PAM: variants seen among roughly 807,000 people sequenced by gnomAD.
PAM encodes the protein peptidylglycine alpha-amidating monooxygenase.
In PAM, 72 loss-of-function variants were observed where a neutral mutation model predicts 122.1. The ratio of observed to expected loss-of-function variants is 0.59; its 90% confidence interval spans 0.49 to 0.72. PAM has a LOEUF of 0.72. Ranked by LOEUF, PAM falls within the 30% of genes least tolerant of loss-of-function variation. PAM has a pLI of 0.00. For synonymous variants in PAM, 389 were observed against 404.4 expected (o/e 0.96, Z 0.46); for missense variants, 1,106 against 1,183.7 (o/e 0.93, Z 0.96).
At chr5:102,838,228 T>G (rs563263479) in intron 1 of PAM, 36 of 152,276 alleles carry the variant, frequency 2.4e-4, no homozygotes, top group African/African-American at 8.2e-4. Context: ...CAGAGTCTTT[T>G]AAGTCTGCAT....
chr5:102,953,639 A>C (rs1759716556), intron 12 of PAM, among the ~76,000 whole-genome samples: 1 of 152,218 alleles, frequency 6.6e-6, no homozygotes, highest in Non-Finnish European at 1.5e-5. Context: ...GATCTATTGC[A>C]CAGAAGAATG....
At chr5:102,876,713 G>A (rs989373107) in intron 3 of PAM, among the ~76,000 whole-genome samples, 8 of 152,216 alleles carry the variant, frequency 5.3e-5, no homozygotes, top group Admixed American at 3.3e-4. Flanking sequence ...ATTACAAAAG[G>A]TTAGTTGGCG....
chr5:102,783,312 T>A (rs1051013084), intron 1 of PAM, among the ~76,000 whole-genome samples: 3 of 152,068 alleles, frequency 2.0e-5, no homozygotes, highest in African/African-American at 7.2e-5. Context: ...GTCCAGAATA[T>A]CCTGGGACAA....
At chr5:102,814,569 A>G (rs1046856203) in intron 1 of PAM, among the ~76,000 whole-genome samples, 2 of 146,142 alleles carry the variant, frequency 1.4e-5, no homozygotes, top group Admixed American at 6.8e-5. Context: ...ATAGATATAT[A>G]CATATATTGA....
In PAM at chr5:102,768,009, T is replaced by C. The variant is rs554453649; in HGVS notation, c.-374+12661T>C. 3.3e-5 allele frequency among the ~76,000 whole-genome samples: 5 copies of C among 152,220 alleles called. No homozygotes were observed. In the South Asian group the frequency reaches 1.0e-3, roughly 32 times the overall value. On this transcript the variant is annotated intron_variant, in intron 1 of 25. Transcript: ENST00000438793. ...GGCAAGCTTGTCGTGTGGGAATTAA[T>C]AAGCTCATCGATGTAATGCACTTAG...
At chr5:103,000,738 C>G (rs1448828332) in intron 16 of PAM, among the ~76,000 whole-genome samples, 34 of 152,142 alleles carry the variant, frequency 2.2e-4, no homozygotes. Flanking sequence ...AGGAGAAGTG[C>G]CAAGCAAAAG....
intron 3 of PAM, among the ~76,000 whole-genome samples, chr5:102,878,340 C>T (rs1399596895): frequency 6.6e-6 from 1 of 152,140 alleles, no homozygotes; most frequent in Non-Finnish European, 1.5e-5. Flanking sequence ...GGTGATGCTG[C>T]TGTTAACAAA....
chr5:102,994,013 T>C (rs1421104853), intron 16 of PAM, among the ~76,000 whole-genome samples: 1 of 152,112 alleles, frequency 6.6e-6, no homozygotes, highest in African/African-American at 2.4e-5. Flanking sequence ...AGCAATGGGC[T>C]GACAGTGGAG....
chr5:102,977,197 G>T (rs1184482238), intron 15 of PAM, among the ~76,000 whole-genome samples: 1 of 152,018 alleles, frequency 6.6e-6, no homozygotes, highest in Non-Finnish European at 1.5e-5. Context: ...AACACCTGAG[G>T]GTTTCAAAAA....
At chr5:102,907,334 G>C (rs1799880426) in intron 4 of PAM, among the ~76,000 whole-genome samples, 1 of 151,532 alleles carries the variant, frequency 6.6e-6, no homozygotes, top group African/African-American at 2.4e-5. Flanking sequence ...GTATTCCATG[G>C]TGTATATGTG....
intron 5 of PAM, among the ~76,000 whole-genome samples, chr5:102,923,501 T>A (rs920046858): frequency 4.6e-5 from 7 of 152,218 alleles, no homozygotes; most frequent in African/African-American, 1.7e-4. Flanking sequence ...CTGACTCACC[T>A]TTTTTGGTCC....
At chr5:102,773,904 T>C (rs575108933) in intron 1 of PAM, among the ~76,000 whole-genome samples, 5 of 152,206 alleles carry the variant, frequency 3.3e-5, no homozygotes, top group African/African-American at 1.2e-4. Context: ...GTATCTGTTG[T>C]TTCATTCTTC....
At chr5:102,804,480 G>A (rs1765696044) in intron 1 of PAM, among the ~76,000 whole-genome samples, 1 of 152,178 alleles carries the variant, frequency 6.6e-6, no homozygotes, top group Non-Finnish European at 1.5e-5. Flanking sequence ...GTGATGGGGA[G>A]TTACAACCCT....
intron 1 of PAM, among the ~76,000 whole-genome samples, chr5:102,834,610 G>A (rs1450573071): frequency 6.6e-6 from 1 of 152,152 alleles, no homozygotes; most frequent in Non-Finnish European, 1.5e-5. Flanking sequence ...TGACAGTTGA[G>A]CAAAGATCTG....
In PAM at chr5:103,009,797, A is replaced by G; in HGVS notation, c.2262A>G (p.Glu754=). The change falls in exon 21 of 26, where the codon GAA becomes GAG. Residue 754 remains glutamate (E), a synonymous_variant. Coordinates refer to ENST00000438793, the MANE Select transcript of PAM (RefSeq NM_001177306.2). Reference sequence around the variant, plus strand: ...GGAAGCCTCATTTTGGGGACCAAGAACCTGTACAAGGATTTGTGATGAACT... The same window carrying G: ...GGAAGCCTCATTTTGGGGACCAAGAGCCTGTACAAGGATTTGTGATGAACT... ...VNGKPHFGDQ[E]PVQGFVMNFS... is the part of the protein sequence containing the mutation. 6.2e-7 allele frequency: 1 copy of G among 1,612,734 alleles called. No homozygotes were observed. Among genetic ancestry groups the G allele is most frequent in the East Asian group, 2.2e-5 (1 of 44,818 alleles).
intron 5 of PAM, among the ~76,000 whole-genome samples, chr5:102,914,705 A>C (rs1284959583): frequency 6.6e-6 from 1 of 152,110 alleles, no homozygotes; most frequent in Non-Finnish European, 1.5e-5. Context: ...CCTGAAGCTC[A>C]AAGTGATTCA....
At chr5:103,016,180 G>A (rs973486541) in intron 21 of PAM, among the ~76,000 whole-genome samples, 3 of 152,154 alleles carry the variant, frequency 2.0e-5, no homozygotes, top group African/African-American at 4.8e-5. Flanking sequence ...GAAAAAAAAT[G>A]AGCCTCCTTG....
intron 16 of PAM, among the ~76,000 whole-genome samples, chr5:102,995,024 G>A (rs1190285391): frequency 6.6e-6 from 1 of 152,006 alleles, no homozygotes; most frequent in Admixed American, 6.6e-5. Context: ...ATGGACTTTT[G>A]CCAAGATCTA....
chr5:102,921,670 C>A (rs902210617), intron 5 of PAM, among the ~76,000 whole-genome samples: 5 of 152,126 alleles, frequency 3.3e-5, no homozygotes, highest in Non-Finnish European at 7.4e-5. Context: ...AATATAAAAT[C>A]ATTGTCTCTT....
Sources: gnomAD v4.1 joint callset for allele counts (sites outside exome capture counted in the v4.1 genomes callset) on GRCh38, gnomAD v4.1.1 for gene constraint, MANE v1.5 for transcripts, NCBI Gene and HGNC (gene_info 2026-07-23, HGNC 2026-07-21) for gene names.